The following JAK2 variants were observed in gnomAD, a reference collection of about 807,000 sequenced individuals.
JAK2 encodes the protein tyrosine-protein kinase JAK2.
JAK2 carries 86 observed loss-of-function variants against 139.3 expected under a neutral mutation model. The ratio of observed to expected loss-of-function variants is 0.62; its 90% CI spans 0.52 to 0.74. The LOEUF (loss-of-function observed/expected upper bound fraction) is 0.74. Among genes scored for constraint, JAK2 ranks in the 30% least tolerant of loss-of-function variants. The pLI is 0.00. For missense variants in JAK2, 1,421 were observed against 1,360.3 expected (o/e 1.04, Z -0.70); for synonymous variants, 490 against 437.7 (o/e 1.12, Z -1.49).
chr9:5,041,504 C>G (rs762201982), intron 4 of JAK2: 1 of 574,570 alleles, frequency 1.7e-6, no homozygotes, highest in Non-Finnish European at 3.4e-6. Context: ...AGATCGGGGA[C>G]ACATAGCGCG....
chr9:5,071,990 T>C (rs943209663), intron 12 of JAK2, among the ~76,000 whole-genome samples: 5 of 152,338 alleles, frequency 3.3e-5, no homozygotes, highest in Middle Eastern at 3.4e-3. Flanking sequence ...TATTCACTTA[T>C]TGATCATAAC....
chr9:5,096,843 G>T (rs1043428452), intron 22 of JAK2: 2 of 152,026 alleles, frequency 1.3e-5, no homozygotes, highest in African/African-American at 4.8e-5. Context: ...TATTGTTACC[G>T]CCCACGAATT....
chr9:5,101,304 C>A (rs914786210), intron 22 of JAK2, among the ~76,000 whole-genome samples: 4 of 152,220 alleles, frequency 2.6e-5, no homozygotes, highest in African/African-American at 9.6e-5. Flanking sequence ...AAGATCCACC[C>A]GTGAGGCAGC....
chr9:5,046,867 G>C (rs1056698608), intron 5 of JAK2, among the ~76,000 whole-genome samples: 1 of 152,138 alleles, frequency 6.6e-6, no homozygotes, highest in Admixed American at 6.5e-5. Flanking sequence ...TGCAGAGCTA[G>C]TATATTTTGG....
intron 22 of JAK2, among the ~76,000 whole-genome samples, chr9:5,117,118 C>T (rs1239851393): frequency 6.6e-6 from 1 of 152,224 alleles, no homozygotes; most frequent in Non-Finnish European, 1.5e-5. Flanking sequence ...ACAAGGCTCC[C>T]CTTGGAAGCA....
intron 2 of JAK2, among the ~76,000 whole-genome samples, chr9:5,008,207 T>C (rs1484739695): frequency 6.6e-6 from 1 of 152,234 alleles, no homozygotes; most frequent in Non-Finnish European, 1.5e-5. Flanking sequence ...GTCCCAAATA[T>C]ATAAAATGTT....
At chr9:5,086,086 C>T (rs939520452) in intron 19 of JAK2, 13 of 638,388 alleles carry the variant, frequency 2.0e-5, no homozygotes, top group Non-Finnish European at 3.2e-5. Context: ...AAGTCAAGTC[C>T]CTTCTGCCTA....
intron 22 of JAK2, chr9:5,114,305 C>T: frequency 3.7e-6 from 2 of 542,528 alleles, no homozygotes; most frequent in East Asian, 4.5e-5. Flanking sequence ...TGACTTGGTC[C>T]CAGGCCAGTG....
intron 16 of JAK2, among the ~76,000 whole-genome samples, chr9:5,078,947 T>A (rs554393167): frequency 6.6e-6 from 1 of 152,334 alleles, no homozygotes; most frequent in South Asian, 2.1e-4. Context: ...CAAATTTCAG[T>A]CAGATAGTTG....
intron 2 of JAK2, among the ~76,000 whole-genome samples, chr9:4,988,392 T>G (rs1205298551): frequency 6.6e-6 from 1 of 152,192 alleles, no homozygotes; most frequent in African/African-American, 2.4e-5. Context: ...GAAATGACAG[T>G]GTGGTATTGT....
At chr9:5,043,340 C>T (rs188188834) in intron 4 of JAK2, among the ~76,000 whole-genome samples, 3 of 151,976 alleles carry the variant, frequency 2.0e-5, no homozygotes, top group African/African-American at 7.2e-5. Flanking sequence ...ATGAAACCCT[C>T]CGAAAAAAAG....
chr9:5,054,823 G>C lies in JAK2; in HGVS notation c.875G>C (p.Gly292Ala), dbSNP rs2130411802. ...ATTTTTGCAACCATTATAATAACTG[G>C]AAACGGTGGAATTCAGTGGTCAAGA... ...EEIFATIIIT[G>A]NGGIQWSRGK... The change falls in exon 7 of 25, where the codon GGA becomes GCA. Residue 292 changes from glycine (G) to alanine (A), a missense_variant. By Grantham distance (60) the Gly-to-Ala change is moderately conservative. Coordinates refer to ENST00000381652, the MANE Select transcript of JAK2 (RefSeq NM_004972.4). This position sits in a 1 kb window ranked among gnomAD's most constrained non-coding sequence, Gnocchi z 4.9. 1 of 1,612,430 alleles carries C rather than the reference G, an allele frequency of 6.2e-7. No homozygotes were observed. Among genetic ancestry groups the C allele is most frequent in the Non-Finnish European group, 8.5e-7 (1 of 1,179,168 alleles).
At chr9:5,078,791 A>C (rs1047480458) in intron 16 of JAK2, among the ~76,000 whole-genome samples, 2 of 152,172 alleles carry the variant, frequency 1.3e-5, no homozygotes, top group Admixed American at 6.5e-5. Context: ...CTAAATAAAA[A>C]TTTAGCCTGA....
At chr9:5,030,434 C>T (rs1050137620) in intron 4 of JAK2, among the ~76,000 whole-genome samples, 5 of 151,906 alleles carry the variant, frequency 3.3e-5, no homozygotes, top group African/African-American at 1.2e-4. Flanking sequence ...AACAAAGATA[C>T]GTTTGATTTG....
At chr9:5,006,872 A>G (rs753131798) in intron 2 of JAK2, among the ~76,000 whole-genome samples, 2 of 152,208 alleles carry the variant, frequency 1.3e-5, no homozygotes, top group African/African-American at 2.4e-5. Context: ...TTCTTGTGCT[A>G]GTTTAGGTAA....
Position 5,041,260 on chromosome 9 carries a change from C to G in JAK2, c.351-3143C>G, listed in dbSNP as rs532878703. ...AGCGGCAGCACGCCATCCACATCAT[C>G]GACCTCGGGCTGGCCAAGGGGTACA... On this transcript the variant is annotated intron_variant, in intron 4 of 24. Transcript: ENST00000381652. 3.4e-5 allele frequency: 47 copies of G among 1,366,792 alleles called. No individual in the cohort carries two copies. In the South Asian group the frequency reaches 5.4e-4, roughly 16 times the overall value. 84.7% of individuals were successfully genotyped at this position (1,366,792 alleles called of 1,614,324 possible).
At chr9:5,039,655 T>C (rs778490624) in intron 4 of JAK2, among the ~76,000 whole-genome samples, 1 of 151,888 alleles carries the variant, frequency 6.6e-6, no homozygotes, top group Non-Finnish European at 1.5e-5. Flanking sequence ...GAATAGAAGA[T>C]CAATATATAA....
chr9:5,126,520 C>A, intron 24 of JAK2, 74 bp downstream of exon 24: 1 of 1,100,766 alleles, frequency 9.1e-7, no homozygotes, highest in Non-Finnish European at 1.3e-6. Context: ...CAGTTCACTT[C>A]CTGAAATTTA....
At position 5,056,041 on chromosome 9, in the gene JAK2, G is replaced by C. The variant is rs568285037; in HGVS notation, c.1056+253G>C. 2.0e-5 allele frequency among the ~76,000 whole-genome samples: 3 copies of C among 152,020 alleles called. No individual in the cohort carries two copies. In the South Asian group the frequency reaches 6.2e-4, roughly 32 times the overall value. On this transcript the variant is annotated intron_variant, in intron 8 of 24. Transcript: ENST00000381652. ...CATTTTTATGATTAGCAAAGCACCAGTTACTTTCTCCCCCATCCCTACTCT... is the reference window on the plus strand; with the variant it reads ...CATTTTTATGATTAGCAAAGCACCACTTACTTTCTCCCCCATCCCTACTCT...
Sources: gnomAD v4.1 joint callset for allele counts (sites outside exome capture counted in the v4.1 genomes callset) on GRCh38, gnomAD v4.1.1 for gene constraint, Gnocchi (gnomAD v3.1) non-coding constraint, MANE v1.5 for transcripts, NCBI Gene and HGNC (gene_info 2026-07-23, HGNC 2026-07-21) for gene names.